MYO18B: variants seen among roughly 807,000 people sequenced by gnomAD.
MYO18B encodes the protein unconventional myosin-XVIIIb.
In MYO18B, 204 loss-of-function variants were observed where a neutral mutation model predicts 273.0. The observed-to-expected ratio is 0.75, with a 90% CI of 0.67 to 0.84. The LOEUF is 0.84. MYO18B is among the 40% of genes least tolerant of loss of function. MYO18B has a pLI of 0.00. For synonymous variants in MYO18B, 1,330 were observed against 1,305.7 expected (o/e 1.02, Z -0.40); for missense variants, 3,212 against 3,287.6 (o/e 0.98, Z 0.56).
At chr22:25,923,883 A>G (rs559244529) in intron 34 of MYO18B, among the ~76,000 whole-genome samples, 1 of 151,028 alleles carries the variant, frequency 6.6e-6, no homozygotes, top group African/African-American at 2.4e-5. Context: ...TTTTTTTTTT[A>G]TTAAGTATTC....
intron 11 of MYO18B, 42 bp from the exon 12 acceptor site, chr22:25,797,911 T>C: frequency 1.2e-6 from 2 of 1,613,862 alleles, no homozygotes; most frequent in Non-Finnish European, 1.7e-6. Context: ...GTTTTCTCCA[T>C]CGCGATGGCC....
chr22:25,983,825 G>A (rs1423471144), intron 39 of MYO18B, among the ~76,000 whole-genome samples: 1 of 152,216 alleles, frequency 6.6e-6, no homozygotes, highest in Non-Finnish European at 1.5e-5. Flanking sequence ...TCTGGGCAGC[G>A]CTATTGAGGT....
intron 11 of MYO18B, among the ~76,000 whole-genome samples, chr22:25,789,179 G>A (rs796944688): frequency 6.0e-5 from 9 of 150,636 alleles, no homozygotes; most frequent in African/African-American, 2.2e-4. Flanking sequence ...GGGCAAGTTG[G>A]GAGGGCTTAG....
At chr22:26,036,121 A>T in the MYO18B span, among the ~76,000 whole-genome samples, 1 of 152,144 alleles carries the variant, frequency 6.6e-6, no homozygotes, top group Admixed American at 6.5e-5. Context: ...GTGTCAAAGG[A>T]TGTTGGATGC....
intron 21 of MYO18B, among the ~76,000 whole-genome samples, chr22:25,854,719 A>C (rs1023729355): frequency 6.6e-6 from 1 of 152,184 alleles, no homozygotes; most frequent in Non-Finnish European, 1.5e-5. Flanking sequence ...TTCTGTCTCT[A>C]TAAATCTGAC....
rs2091771787 is a variant in MYO18B at position 25,895,267 on chromosome 22, A to C, written c.4655A>C (p.Glu1552Ala). 1 of 1,600,560 alleles carries C rather than the reference A, an allele frequency of 6.2e-7. No homozygotes were observed. Among genetic ancestry groups the C allele is most frequent in the Non-Finnish European group, 8.5e-7 (1 of 1,173,690 alleles). Residue 1552 changes from glutamate to alanine, a missense_variant, in exon 28 of 44, where the codon GAG (glutamate) becomes GCG (alanine). By Grantham distance (107) the Glu-to-Ala change is moderately radical. Coordinates refer to ENST00000335473, the MANE Select transcript of MYO18B (RefSeq NM_032608.7). ...GACTCGGAGCTGACAGCCAGGAAAG[A>C]GCTGGAGCAAAAGGTAAGATGTGGG... ...RLDSELTARK[E>A]LEQKLGELQS...
intron 34 of MYO18B, among the ~76,000 whole-genome samples, chr22:25,937,321 C>A (rs1044359095): frequency 6.6e-6 from 1 of 151,910 alleles, no homozygotes; most frequent in Non-Finnish European, 1.5e-5. Flanking sequence ...TGGCCTCAAC[C>A]GATTCGTTTG....
intron 40 of MYO18B, among the ~76,000 whole-genome samples, chr22:25,993,592 G>T (rs959728597): frequency 3.9e-5 from 6 of 152,194 alleles, no homozygotes; most frequent in African/African-American, 1.4e-4. Flanking sequence ...CTTTAGAGAA[G>T]TTCAAGGTCA....
chr22:25,841,690 A>G (rs562576093), intron 17 of MYO18B, among the ~76,000 whole-genome samples: 35 of 152,308 alleles, frequency 2.3e-4, no homozygotes, highest in African/African-American at 8.2e-4. Flanking sequence ...CTTAGCAAAC[A>G]TCAACATCCT....
Position 25,781,849 on chromosome 22 carries a change from C to T in MYO18B, c.2312+15C>T, listed in dbSNP as rs1278534102. On this transcript the variant is annotated intron_variant, in intron 10 of 43. Coordinates refer to ENST00000335473, the MANE Select transcript of MYO18B (RefSeq NM_032608.7). The stretch of plus-strand genomic sequence containing the variant: ...TTGGATCTCAGGTGAGCACTTGGGG[C>T]AGGAAGAGACAGCTGAGGGCAGTGC... 3 of 1,508,870 alleles carry T rather than the reference C, an allele frequency of 2.0e-6. No homozygotes were observed. In the African/African-American group the frequency reaches 4.2e-5, roughly 21 times the overall value. The allele number at this position is 1,508,870 out of a possible 1,614,324, so 93.5% of individuals were successfully genotyped here.
At chr22:25,991,333 C>T (rs7285082) in intron 39 of MYO18B, among the ~76,000 whole-genome samples, 64,068 of 151,972 alleles carry the variant, frequency 0.42, 14,024 homozygotes, top group African/African-American at 0.51. Context: ...ACATTCAGGC[C>T]GGATAATTCT....
At chr22:26,025,625 A>G (rs5997024) in intron 42 of MYO18B, among the ~76,000 whole-genome samples, 51,299 of 152,064 alleles carry the variant, frequency 0.34, 14,095 homozygotes, top group African/African-American at 0.76. Flanking sequence ...AACTTTGGTG[A>G]GGGGAGGGAA....
Position 25,959,653 on chromosome 22 carries a change from A to AT in MYO18B, c.6156+4291dup, listed in dbSNP as rs558104124. Among the ~76,000 whole-genome samples, 762 of 152,314 alleles carry AT rather than the reference A, an allele frequency of 5.0e-3. 1 individual carries two copies. The highest frequency in any genetic ancestry group is 9.5e-3 in the Non-Finnish European group (647 of 68,020). ...AACTCCACAGTCCAAGCATTCATTT[A>AT]TTCATTCCATCAACAAACGTTTATT... On this transcript the variant is annotated intron_variant, in intron 39 of 43. Coordinates refer to ENST00000335473, the MANE Select transcript of MYO18B (RefSeq NM_032608.7).
At chr22:25,772,562 TG>T in intron 7 of MYO18B, 52 bp downstream of exon 7, 2 of 1,538,496 alleles carry the variant, frequency 1.3e-6, no homozygotes. Flanking sequence ...CAGGGGGGCC[TG>T]GGGGGATCCC....
At chr22:26,038,293 C>G in the MYO18B span, among the ~76,000 whole-genome samples, 7 of 152,116 alleles carry the variant, frequency 4.6e-5, no homozygotes, top group Non-Finnish European at 1.0e-4. Context: ...TCCTGAGTGG[C>G]CCAAATTCTG....
Position 25,847,974 on chromosome 22 carries a change from C to A in MYO18B, c.3775+322C>A, listed in dbSNP as rs1288702706. ...ACACACACACACACACACACACACA[C>A]AAAATGGGATACATGTACAGCACGT... On this transcript the variant is annotated intron_variant, in intron 20 of 43. Transcript: ENST00000335473. Among the ~76,000 whole-genome samples the A allele has an allele frequency of 3.5e-5, 5 of 142,808 alleles. 1 individual carries two copies. In the Middle Eastern group the frequency reaches 0.01, roughly 300 times the overall value. The allele number at this position is 142,808 out of a possible 152,430, so 93.7% of individuals were successfully genotyped here. A position where few individuals can be genotyped will look rare whatever the true frequency, so the allele number is the denominator to read the frequency against.
At chr22:25,831,297 G>A (rs138600521) in intron 15 of MYO18B, among the ~76,000 whole-genome samples, 1 of 152,310 alleles carries the variant, frequency 6.6e-6, no homozygotes, top group African/African-American at 2.4e-5. Flanking sequence ...AGACATCAGG[G>A]TAGTTTCTAA....
At position 25,883,661 on chromosome 22, in the gene MYO18B, C is replaced by A. The variant is rs2091410692; in HGVS notation, c.4314+5613C>A. ...AGGACCATGCATCATGATGACACCC[C>A]TGCTGCGGTTCGTGGCCTCTGCATG... is the stretch of plus-strand genomic sequence containing the variant. On this transcript the variant is annotated intron_variant, in intron 25 of 43. Transcript: ENST00000335473. This position sits in a 1 kb window ranked among gnomAD's most constrained non-coding sequence, Gnocchi z 7.6. The A allele has an allele frequency of 6.6e-6, 1 of 152,204 alleles. No homozygotes were observed. The highest frequency in any genetic ancestry group is 2.4e-5 in the African/African-American group (1 of 41,456). The allele number at this position is 152,204 out of a possible 1,614,324, so 9.4% of individuals were successfully genotyped here.
At chr22:25,939,910 A>C (rs2092624152) in intron 34 of MYO18B, among the ~76,000 whole-genome samples, 1 of 152,190 alleles carries the variant, frequency 6.6e-6, no homozygotes, top group African/African-American at 2.4e-5. Context: ...CTATAACAAC[A>C]GGAATGGTTG....
Sources: allele counts gnomAD v4.1 joint callset (sites outside exome capture counted in the v4.1 genomes callset), GRCh38; gene constraint gnomAD v4.1.1; non-coding constraint Gnocchi (gnomAD v3.1); transcripts MANE v1.5; gene names NCBI Gene and HGNC (gene_info 2026-07-23, HGNC 2026-07-21).